CACNB1: variants seen among roughly 807,000 people sequenced by gnomAD.
CACNB1 encodes the protein voltage-dependent L-type calcium channel subunit beta-1.
A neutral mutation model predicts 71.6 loss-of-function variants in CACNB1; 29 were observed. The observed-to-expected ratio is 0.40, with a 90% CI of 0.30 to 0.55. The LOEUF (loss-of-function observed/expected upper bound fraction) is 0.55. Ranked by LOEUF, CACNB1 falls within the 20% of genes least tolerant of loss-of-function variation. The probability of loss-of-function intolerance (pLI) is 0.38; values close to 1 mark genes in which losing one functional copy is unlikely to be tolerated. For missense variants in CACNB1, 623 were observed against 801.8 expected (o/e 0.78, Z 2.69); for synonymous variants, 300 against 319.6 (o/e 0.94, Z 0.65).
intron 6 of CACNB1, 149 bp from the exon 7 acceptor site, chr17:39,185,299 C>T: frequency 1.4e-6 from 1 of 710,470 alleles, no homozygotes; most frequent in Non-Finnish European, 2.6e-6. Flanking sequence ...GTGTTAGTGA[C>T]AGACAGAGCC....
chr17:39,174,889 A>C lies in CACNB1; in HGVS notation c.*304T>G. 117 of 335,848 alleles carry C rather than the reference A, an allele frequency of 3.5e-4. No homozygotes were observed. Among genetic ancestry groups the C allele is most frequent in the Middle Eastern group, 9.4e-4 (1 of 1,062 alleles). The allele number at this position is 335,848 out of a possible 1,614,324, so 20.8% of individuals were successfully genotyped here. A position where few individuals can be genotyped will look rare whatever the true frequency, so the allele number is the denominator to read the frequency against. ...GGCCCCGAGTAGAAAGAGTTAAGGA[A>C]GTGCACCTTTTCTCTAGGAGGGTGA... On this transcript the variant is annotated 3_prime_UTR_variant, in exon 14 of 14. Transcript: ENST00000394303.
chr17:39,191,937 C>T (rs2046090718), intron 2 of CACNB1: 2 of 311,022 alleles, frequency 6.4e-6, no homozygotes, highest in Non-Finnish European at 1.2e-5. Flanking sequence ...CTGCTCCTTC[C>T]CTCCCCTGCC....
chr17:39,189,035 C>T (rs942274443), intron 3 of CACNB1, among the ~76,000 whole-genome samples: 4 of 151,368 alleles, frequency 2.6e-5, no homozygotes, highest in Middle Eastern at 3.2e-3. Context: ...AAGAGCGAAA[C>T]TCCGTCTCAA....
rs1425113104 is a variant in CACNB1, at chr17:39,194,146, T to C, written c.171+738A>G. On this transcript the variant is annotated intron_variant, in intron 2 of 13. Transcript: ENST00000394303. The surrounding 1 kb of genome is among the most constrained non-coding windows in gnomAD (Gnocchi z 4.6). ...CCAAGCCCCTCTCGCCTTTTTTGGG[T>C]ACCAGGCTTTGGTGAGATGCTAAGT... is the stretch of plus-strand genomic sequence containing the variant. Among the ~76,000 whole-genome samples, 13 of 152,056 alleles carry C rather than the reference T, an allele frequency of 8.5e-5. No homozygotes were observed. Among genetic ancestry groups the C allele is most frequent in the Admixed American group, 7.9e-4 (12 of 15,254 alleles).
intron 2 of CACNB1, chr17:39,192,956 C>T (rs113560579): frequency 6.5e-6 from 1 of 153,430 alleles, no homozygotes; most frequent in African/African-American, 2.4e-5. Flanking sequence ...CCCCCTCTCC[C>T]CCCTGATGGG....
At chr17:39,177,613 A>C (rs2045620099) in intron 12 of CACNB1, 78 bp from the exon 13 acceptor site, 3 of 1,144,438 alleles carry the variant, frequency 2.6e-6, no homozygotes, top group Non-Finnish European at 3.7e-6. Context: ...GCCTGGGTGC[A>C]GTGGGTAGAG....
At chr17:39,187,287 C>G (rs1448248975) in intron 4 of CACNB1, 192 bp downstream of exon 4, 3 of 677,252 alleles carry the variant, frequency 4.4e-6, no homozygotes, top group Non-Finnish European at 7.4e-6. Context: ...CTCCCAACAA[C>G]CTTCTGACCT....
rs551889121 is a variant in CACNB1, at chr17:39,178,211, G to A, written c.1051-132C>T. The stretch of plus-strand genomic sequence containing the variant: ...ACCCTTGAATGCTCCATAACTCTCA[G>A]CCCTGGGCACCTCTGCAGAAAGGAC... On this transcript the variant is annotated intron_variant, in intron 11 of 13. Transcript: ENST00000394303. The A allele has an allele frequency of 1.1e-4, 77 of 699,778 alleles. No homozygotes were observed. In the African/African-American group the frequency reaches 1.2e-3, roughly 11 times the overall value. 43.3% of individuals were successfully genotyped at this position (699,778 alleles called of 1,614,324 possible).
chr17:39,175,522 T>G lies in CACNB1; in HGVS notation c.1468A>C (p.Thr490Pro), dbSNP rs201643031. 5.1e-5 allele frequency: 82 copies of G among 1,613,888 alleles called. No individual in the cohort carries two copies. In the African/African-American group the frequency reaches 1.1e-3, roughly 21 times the overall value. Residue 490 changes from threonine (T) to proline (P), a missense_variant, in exon 14 of 14, where the codon ACG becomes CCG. Coordinates refer to ENST00000394303, the MANE Select transcript of CACNB1 (RefSeq NM_000723.5). This position sits in a 1 kb window ranked among gnomAD's most constrained non-coding sequence, Gnocchi z 4.7. ...TCTTGGCGGGACAGTGCCCGTAGCG[T>G]GCCTGCCCGGCCTGGTGGGTGGCTG... ...PSSHPPGRAG[T>P]LRALSRQDTF...
chr17:39,182,281 C>T (rs146675166), intron 11 of CACNB1, among the ~76,000 whole-genome samples: 1 of 151,490 alleles, frequency 6.6e-6, no homozygotes, highest in African/African-American at 2.4e-5. Flanking sequence ...TGAGTGAGAT[C>T]GCACCACTGC....
At position 39,175,207 on chromosome 17, in the gene CACNB1, C is replaced by T. The variant is rs775016302; in HGVS notation, c.1783G>A (p.Val595Ile). The change falls in exon 14 of 14, where the codon GTC becomes ATC. Residue 595 changes from valine (V) to isoleucine (I), a missense_variant. Transcript: ENST00000394303. The surrounding 1 kb of genome is among the most constrained non-coding windows in gnomAD (Gnocchi z 4.7). ...KNELEGWGRG[V>I]YIR ...GCCCCTGCCTCTCAGCGAATGTAGA[C>T]GCCTCGTCCCCAGCCCTCCAGCTCA... 5 of 1,611,320 alleles carry T rather than the reference C, an allele frequency of 3.1e-6. No homozygotes were observed. The East Asian group carries it at 8.9e-5, about 29-fold the overall frequency.
At position 39,195,833 on chromosome 17, in the gene CACNB1, C is replaced by T. The variant is rs532486085; in HGVS notation, c.85-863G>A. ...CGTCAATCTAAATGTCCCTCGGCCC[C>T]GCACCACATGAGCCTAGGACACAGC... On this transcript the variant is annotated intron_variant, in intron 1 of 13. Transcript: ENST00000394303. 8.5e-5 allele frequency among the ~76,000 whole-genome samples: 13 copies of T among 152,246 alleles called. No homozygotes were observed. The South Asian group carries it at 2.3e-3, about 27-fold the overall frequency.
chr17:39,179,950 T>C (rs1461525698), intron 11 of CACNB1, among the ~76,000 whole-genome samples: 1 of 150,090 alleles, frequency 6.7e-6, no homozygotes, highest in African/African-American at 2.5e-5. Context: ...GGTTCCTGGA[T>C]TGGGGGAAAT....
intron 2 of CACNB1, 110 bp from the exon 3 acceptor site, chr17:39,191,703 C>T: frequency 9.4e-7 from 1 of 1,059,724 alleles, no homozygotes; most frequent in Non-Finnish European, 1.4e-6. Flanking sequence ...CCAGCCAGCC[C>T]AGCATGACAC....
At chr17:39,177,560 G>C in intron 12 of CACNB1, 25 bp from the exon 13 acceptor site, 3 of 1,559,238 alleles carry the variant, frequency 1.9e-6, no homozygotes, top group Non-Finnish European at 1.7e-6. Context: ...TTAGGGGGCA[G>C]GGCTGGGATG....
rs2045975059 is a variant in CACNB1, at chr17:39,187,698, T to C, written c.292-97A>G. 2.2e-6 allele frequency: 3 copies of C among 1,351,840 alleles called. No homozygotes were observed. In the African/African-American group the frequency reaches 4.3e-5, roughly 19 times the overall value. The allele number at this position is 1,351,840 out of a possible 1,614,324, so 83.7% of individuals were successfully genotyped here. On this transcript the variant is annotated intron_variant, in intron 3 of 13. Transcript: ENST00000394303. ...TAGTGGTGGTTACTTGGATGTTTAC[T>C]TTATAATAGTTCCTTGAAATGTGTA...
In CACNB1 at chr17:39,177,657, C is replaced by A. The variant is rs184723983; in HGVS notation, c.1147-122G>T. 26 of 765,130 alleles carry A rather than the reference C, an allele frequency of 3.4e-5. No individual in the cohort carries two copies. The African/African-American group carries it at 4.2e-4, about 12-fold the overall frequency. The allele number at this position is 765,130 out of a possible 1,614,324, so 47.4% of individuals were successfully genotyped here. ...TTGAAGGACAAGGTTAAAAAGAGGC[C>A]TCTGGATGTAGAAGGGAAGGAGAGC... On this transcript the variant is annotated intron_variant, in intron 12 of 13. Coordinates refer to ENST00000394303, the MANE Select transcript of CACNB1 (RefSeq NM_000723.5).
At position 39,177,441 on chromosome 17, in the gene CACNB1, G is replaced by A. The variant is rs2045612696; in HGVS notation, c.1241C>T (p.Pro414Leu). ...YLEAYWKATH[P>L]PSSTPPNPLL... ...CGGATTGGGTGGCGTGCTGCTGGGC[G>A]GGTGTGTGGCCTTCCAATAGGCTTC... Residue 414 changes from proline to leucine, a missense_variant, in exon 13 of 14, where the codon CCG becomes CTG. Transcript: ENST00000394303. 1 of 1,613,802 alleles carries A rather than the reference G, an allele frequency of 6.2e-7. No individual in the cohort carries two copies. The highest frequency in any genetic ancestry group is 1.1e-5 in the South Asian group (1 of 91,020).
Position 39,175,675 on chromosome 17 carries a change from A to G in CACNB1, c.1333-18T>C. The G allele has an allele frequency of 6.6e-7, 1 of 1,519,734 alleles. No homozygotes were observed. The highest frequency in any genetic ancestry group is 8.9e-7 in the Non-Finnish European group (1 of 1,126,008). 94.1% of individuals were successfully genotyped at this position (1,519,734 alleles called of 1,614,324 possible). A position where few individuals can be genotyped will look rare whatever the true frequency, so the allele number is the denominator to read the frequency against. On this transcript the variant is annotated intron_variant, in intron 13 of 13. Transcript: ENST00000394303. This position sits in a 1 kb window ranked among gnomAD's most constrained non-coding sequence, Gnocchi z 4.7. ...TAGGGTCCCTGGTTAGCAGACGGAC[A>G]GCACACACCATGCAGATCAGGCAGG...
Sources: gnomAD v4.1 joint callset for allele counts (sites outside exome capture counted in the v4.1 genomes callset) on GRCh38, gnomAD v4.1.1 for gene constraint, Gnocchi (gnomAD v3.1) non-coding constraint, MANE v1.5 for transcripts, NCBI Gene and HGNC (gene_info 2026-07-23, HGNC 2026-07-21) for gene names.